The following HEATR4 variants were observed in gnomAD, a reference collection of about 807,000 sequenced individuals.
HEATR4 encodes the protein HEAT repeat-containing protein 4.
HEATR4 carries 95 observed loss-of-function variants against 108.8 expected under a neutral mutation model. That is an observed-to-expected ratio of 0.87 (90% CI 0.74 to 1.04). The LOEUF (loss-of-function observed/expected upper bound fraction) is 1.04. HEATR4 is among the 50% of genes least tolerant of loss of function. HEATR4 has a pLI of 0.00. For missense variants in HEATR4, 1,152 were observed against 1,253.8 expected, an observed-to-expected ratio of 0.92 and a Z score of 1.23; for synonymous variants, 443 against 459.4, an observed-to-expected ratio of 0.96 and a Z score of 0.46.
At chr14:73,496,940 G>C (rs1248822635) in intron 14 of HEATR4, among the ~76,000 whole-genome samples, 2 of 152,216 alleles carry the variant, frequency 1.3e-5, no homozygotes, top group African/African-American at 4.8e-5. Context: ...CCCAGAGCTG[G>C]AGTGCAATGG....
At chr14:73,546,572 AG>A (rs1383875397) in intron 1 of HEATR4, among the ~76,000 whole-genome samples, 1 of 114,080 alleles carries the variant, frequency 8.8e-6, no homozygotes, top group African/African-American at 2.8e-5. Context: ...CATGTTGTCC[AG>A]GCTGGTCTCA....
At chr14:73,563,722 G>A (rs1486144823), upstream of HEATR4, among the ~76,000 whole-genome samples, 2 of 152,002 alleles carry the variant, frequency 1.3e-5, no homozygotes, top group African/African-American at 4.8e-5. Flanking sequence ...TAGCGCTTTG[G>A]GAGGCCAAGG....
intron 6 of HEATR4, 87 bp from the exon 7 acceptor site, chr14:73,512,236 T>C: frequency 6.9e-7 from 1 of 1,452,090 alleles, no homozygotes; most frequent in Non-Finnish European, 9.4e-7. Context: ...AGTCTGCCCT[T>C]CACCCAGAAT....
At chr14:73,579,305 G>T in the HEATR4 span, among the ~76,000 whole-genome samples, 1 of 139,572 alleles carries the variant, frequency 7.2e-6, no homozygotes. Context: ...CGCTGGGTGT[G>T]GTGGCTCATG....
At chr14:73,569,364 G>A in the HEATR4 span, 1 of 1,613,994 alleles carries the variant, frequency 6.2e-7, no homozygotes, top group East Asian at 2.2e-5. Context: ...GAAGAGTTCG[G>A]CGCAGTTCCT....
the HEATR4 span, among the ~76,000 whole-genome samples, chr14:73,590,502 G>A: frequency 1.3e-5 from 2 of 152,260 alleles, no homozygotes; most frequent in African/African-American, 4.8e-5. Flanking sequence ...TTGGGCGGTC[G>A]ATGGGACTGG....
At chr14:73,599,029 A>G in the HEATR4 span, among the ~76,000 whole-genome samples, 2 of 151,802 alleles carry the variant, frequency 1.3e-5, no homozygotes, top group Non-Finnish European at 2.9e-5. Context: ...AAGTTTGACT[A>G]CCTTGAGGAT....
intron 11 of HEATR4, among the ~76,000 whole-genome samples, chr14:73,501,414 C>T (rs549254936): frequency 2.2e-4 from 34 of 151,194 alleles, no homozygotes; most frequent in African/African-American, 7.1e-4. Context: ...CATGAGCCAC[C>T]GCGCCCGGCC....
At chr14:73,612,673 G>A in the HEATR4 span, 2 of 1,412,290 alleles carry the variant, frequency 1.4e-6, no homozygotes, top group South Asian at 1.5e-5. Flanking sequence ...CAGTCACGCT[G>A]CGCACGTCCC....
the HEATR4 span, chr14:73,616,839 C>T: frequency 3.7e-6 from 2 of 546,104 alleles, no homozygotes; most frequent in Admixed American, 3.3e-5. Flanking sequence ...AGTTTTTTAT[C>T]CCTCTATATT....
chr14:73,598,259 A>G, the HEATR4 span, among the ~76,000 whole-genome samples: 347 of 141,812 alleles, frequency 2.4e-3, 2 homozygotes, highest in African/African-American at 7.7e-3. Flanking sequence ...GTGTGGTGGC[A>G]GGCGCCTGTA....
At chr14:73,542,287 C>G (rs1889114155) in intron 1 of HEATR4, among the ~76,000 whole-genome samples, 1 of 110,844 alleles carries the variant, frequency 9.0e-6, no homozygotes, top group South Asian at 2.8e-4. Flanking sequence ...CATGAGCCAC[C>G]ACACCTGGCC....
chr14:73,593,799 G>C, the HEATR4 span: 1 of 1,613,958 alleles, frequency 6.2e-7, no homozygotes, highest in Non-Finnish European at 8.5e-7. Flanking sequence ...GCTTTGCCAC[G>C]TTGGCTCTAG....
the HEATR4 span, among the ~76,000 whole-genome samples, chr14:73,587,338 C>T: frequency 2.8e-5 from 4 of 141,952 alleles, no homozygotes; most frequent in Admixed American, 2.8e-4. Flanking sequence ...TCCCCCCGCT[C>T]CCCTTTTGGC....
chr14:73,626,911 C>T, the HEATR4 span, among the ~76,000 whole-genome samples: 1 of 148,970 alleles, frequency 6.7e-6, no homozygotes, highest in East Asian at 2.0e-4. Context: ...CCTGCCTTAG[C>T]CCCCTAGGTA....
intron 5 of HEATR4, among the ~76,000 whole-genome samples, chr14:73,514,791 G>A (rs886471648): frequency 3.3e-5 from 5 of 152,136 alleles, no homozygotes; most frequent in Non-Finnish European, 4.4e-5. Context: ...ATAGTTGGCC[G>A]GGTACGGTGG....
In HEATR4 at chr14:73,479,435, CTTTCT is replaced by C. The variant is rs1595071394; in HGVS notation, c.2845-598_2845-594del. Among the ~76,000 whole-genome samples the C allele has an allele frequency of 5.6e-4, 50 of 89,722 alleles. No homozygotes were observed. The East Asian group carries it at 0.014, about 25-fold the overall frequency. 58.9% of individuals were successfully genotyped at this position (89,722 alleles called of 152,430 possible). A position where few individuals can be genotyped will look rare whatever the true frequency, so the allele number is the denominator to read the frequency against. ...GGCGTTTTTTTTTCTTTCTTTCTTT[CTTTCT>C]TTTTTTTTTTTTTTTGAGACGGAGT... On this transcript the variant is annotated intron_variant, in intron 17 of 17. Coordinates refer to ENST00000553558, the MANE Select transcript of HEATR4 (RefSeq NM_001220484.1).
chr14:73,519,177 A>G lies in HEATR4; in HGVS notation c.1070-14T>C. The stretch of plus-strand genomic sequence containing the variant: ...TCTGGACTTCATCTGTGAACAGACA[A>G]AGAAACAATGAGTCCCCTATAACCT... On this transcript the variant is annotated splice_polypyrimidine_tract_variant and intron_variant, in intron 4 of 17. Transcript: ENST00000553558. The G allele has an allele frequency of 6.2e-7, 1 of 1,607,874 alleles. No homozygotes were observed. The highest frequency in any genetic ancestry group is 1.1e-5 in the South Asian group (1 of 90,128).
chr14:73,513,979 T>A, intron 6 of HEATR4, 52 bp downstream of exon 6: 1 of 1,562,530 alleles, frequency 6.4e-7, no homozygotes, highest in African/African-American at 1.3e-5. Context: ...TAGTCCCAGA[T>A]GAGAACCACT....
Sources: gnomAD v4.1 joint callset for allele counts (sites outside exome capture counted in the v4.1 genomes callset) on GRCh38, gnomAD v4.1.1 for gene constraint, MANE v1.5 for transcripts, NCBI Gene and HGNC (gene_info 2026-07-23, HGNC 2026-07-21) for gene names.